Variants in LRP1B observed in about 807,000 individuals in gnomAD.
LRP1B encodes the protein low-density lipoprotein receptor-related protein 1B.
LRP1B carries 217 observed loss-of-function variants against 556.6 expected under a neutral mutation model. That is an observed-to-expected ratio of 0.39 (90% confidence interval 0.35 to 0.44). The LOEUF is 0.44. Among genes scored for constraint, LRP1B ranks in the 20% least tolerant of loss-of-function variants. The pLI is 1.00. For synonymous variants in LRP1B, 2,047 were observed against 1,865.8 expected (o/e 1.10, Z -2.50); for missense variants, 5,053 against 5,620.8 (o/e 0.90, Z 3.23).
chr2:141,244,625 G>T (rs1458036831), intron 5 of LRP1B, among the ~76,000 whole-genome samples: 1 of 152,080 alleles, frequency 6.6e-6, no homozygotes, highest in African/African-American at 2.4e-5. Context: ...AAACCTGATT[G>T]CACTAACTGG....
At chr2:140,867,008 T>C (rs1692971268) in intron 27 of LRP1B, among the ~76,000 whole-genome samples, 1 of 152,126 alleles carries the variant, frequency 6.6e-6, no homozygotes, top group Admixed American at 6.6e-5. Flanking sequence ...TTATATCACA[T>C]ATAATGAGGA....
chr2:142,089,995 A>G (rs1706100632), intron 1 of LRP1B, among the ~76,000 whole-genome samples: 1 of 152,080 alleles, frequency 6.6e-6, no homozygotes, highest in African/African-American at 2.4e-5. Flanking sequence ...GTTTATTTTG[A>G]GTTGCTGTCA....
intron 49 of LRP1B, among the ~76,000 whole-genome samples, chr2:140,525,024 CAG>C (rs747403228): frequency 6.1e-4 from 92 of 151,816 alleles, no homozygotes; most frequent in Non-Finnish European, 8.7e-4. Flanking sequence ...ACTAAAAAAT[CAG>C]ACTTTCATAG....
intron 7 of LRP1B, among the ~76,000 whole-genome samples, chr2:141,110,067 A>T (rs1700709595): frequency 1.3e-5 from 2 of 151,900 alleles, no homozygotes; most frequent in African/African-American, 4.8e-5. Flanking sequence ...AACTTTCTGA[A>T]CAAAATAGCA....
intron 2 of LRP1B, among the ~76,000 whole-genome samples, chr2:141,715,412 A>C (rs1692544700): frequency 6.6e-6 from 1 of 152,132 alleles, no homozygotes; most frequent in Admixed American, 6.5e-5. Context: ...TCAAGGCTGC[A>C]GTGAGCCCTG....
intron 5 of LRP1B, among the ~76,000 whole-genome samples, chr2:141,230,685 C>A (rs1015730969): frequency 5.3e-5 from 8 of 152,210 alleles, no homozygotes; most frequent in African/African-American, 1.9e-4. Flanking sequence ...GTTCCTTGAA[C>A]AAGCCAGGGA....
chr2:141,477,234 T>A (rs996841869), intron 3 of LRP1B, among the ~76,000 whole-genome samples: 1 of 150,536 alleles, frequency 6.6e-6, no homozygotes, highest in Non-Finnish European at 1.5e-5. Flanking sequence ...AATTATAGTC[T>A]ATGCTTAGAA....
intron 2 of LRP1B, among the ~76,000 whole-genome samples, chr2:141,727,531 T>A (rs1693084585): frequency 6.6e-6 from 1 of 152,196 alleles, no homozygotes. Flanking sequence ...ACATTGAATT[T>A]GGATTTCAAT....
At chr2:141,232,388 T>G (rs1232123699) in intron 5 of LRP1B, among the ~76,000 whole-genome samples, 1 of 152,182 alleles carries the variant, frequency 6.6e-6, no homozygotes, top group African/African-American at 2.4e-5. Flanking sequence ...AATGACCCAC[T>G]ATTGAAAGCA....
Position 140,886,123 on chromosome 2 carries a change from T to G in LRP1B, c.3964+15A>C. On this transcript the variant is annotated intron_variant, in intron 24 of 90. Transcript: ENST00000389484. ...AAAGTAATCTAAACATTAAGAAAAA[T>G]TATAATATATGTACCTCCACTTTCA... The G allele has an allele frequency of 2.7e-6, 4 of 1,477,286 alleles. No individual in the cohort carries two copies. The highest frequency in any genetic ancestry group is 3.7e-6 in the Non-Finnish European group (4 of 1,092,654). 91.5% of individuals were successfully genotyped at this position (1,477,286 alleles called of 1,614,324 possible). A position where few individuals can be genotyped will look rare whatever the true frequency, so the allele number is the denominator to read the frequency against.
In LRP1B at chr2:140,356,479, G is replaced by T. The variant is rs375598378; in HGVS notation, c.11396-3C>A. On this transcript the variant is annotated splice_region_variant and splice_polypyrimidine_tract_variant and intron_variant, in intron 74 of 90. Transcript: ENST00000389484. ...TTCACAGGTATATTCAGTAGGAGCTGGGATTTAAAAATATGATCAAAACTA... is the reference window on the plus strand; with the variant it reads ...TTCACAGGTATATTCAGTAGGAGCTTGGATTTAAAAATATGATCAAAACTA... 5.0e-6 allele frequency: 8 copies of T among 1,584,928 alleles called. No individual in the cohort carries two copies. Among genetic ancestry groups the T allele is most frequent in the Non-Finnish European group, 6.0e-6 (7 of 1,164,314 alleles).
chr2:140,997,895 C>T (rs976761483), intron 15 of LRP1B, among the ~76,000 whole-genome samples: 1 of 151,916 alleles, frequency 6.6e-6, no homozygotes. Context: ...AGCAGGATGA[C>T]CTTTCATTAC....
At chr2:141,200,983 A>C (rs186846114) in intron 6 of LRP1B, among the ~76,000 whole-genome samples, 1 of 152,270 alleles carries the variant, frequency 6.6e-6, no homozygotes, top group East Asian at 1.9e-4. Context: ...TTCATTCCTT[A>C]ATCAGCTGCA....
intron 7 of LRP1B, among the ~76,000 whole-genome samples, chr2:141,160,915 T>C (rs1680000295): frequency 6.6e-6 from 1 of 151,922 alleles, no homozygotes; most frequent in African/African-American, 2.4e-5. Flanking sequence ...TGAATCTGAA[T>C]AGTGGTTACA....
At chr2:141,576,098 TA>T (rs1234323854) in intron 2 of LRP1B, among the ~76,000 whole-genome samples, 1 of 152,214 alleles carries the variant, frequency 6.6e-6, no homozygotes, top group Non-Finnish European at 1.5e-5. Context: ...ACTGGGTGTA[TA>T]CCCAAAGGAA....
intron 3 of LRP1B, among the ~76,000 whole-genome samples, chr2:141,372,986 T>C (rs1315162966): frequency 6.6e-6 from 1 of 152,098 alleles, no homozygotes; most frequent in Admixed American, 6.5e-5. Flanking sequence ...TTCTACTTTA[T>C]TGATGTATGC....
chr2:140,624,533 A>T (rs1408585638), intron 41 of LRP1B, among the ~76,000 whole-genome samples: 1 of 152,156 alleles, frequency 6.6e-6, no homozygotes, highest in Non-Finnish European at 1.5e-5. Context: ...ATTTTGAGAT[A>T]CTTATCGCTG....
At chr2:140,803,489 A>G (rs977062767) in intron 32 of LRP1B, among the ~76,000 whole-genome samples, 1 of 151,638 alleles carries the variant, frequency 6.6e-6, no homozygotes, top group African/African-American at 2.4e-5. Context: ...TAGTAGAGAC[A>G]GGGTTTCACT....
chr2:141,690,179 A>C (rs1361492738), intron 2 of LRP1B, among the ~76,000 whole-genome samples: 1 of 151,310 alleles, frequency 6.6e-6, no homozygotes, highest in Non-Finnish European at 1.5e-5. Flanking sequence ...CTGCTTTTTC[A>C]GTCATCTTCA....
Sources: allele counts gnomAD v4.1 joint callset (sites outside exome capture counted in the v4.1 genomes callset), GRCh38; gene constraint gnomAD v4.1.1; transcripts MANE v1.5; gene names NCBI Gene and HGNC (gene_info 2026-07-23, HGNC 2026-07-21).